The following NYAP2 variants were observed in gnomAD, a reference collection of about 807,000 sequenced individuals.
NYAP2 encodes the protein neuronal tyrosine-phosphorylated phosphoinositide-3-kinase adaptor 2.
NYAP2 carries 23 observed loss-of-function variants against 50.4 expected under a neutral mutation model. The observed-to-expected ratio is 0.46, with a 90% CI of 0.33 to 0.65. The LOEUF is 0.65. Ranked by LOEUF, NYAP2 falls within the 30% of genes least tolerant of loss-of-function variation. The pLI, the probability that NYAP2 is intolerant of heterozygous loss-of-function variation, is 0.02. For missense variants in NYAP2, 885 were observed against 861.0 expected (o/e 1.03, Z -0.35); for synonymous variants, 394 against 365.2 (o/e 1.08, Z -0.90).
intron 3 of NYAP2, among the ~76,000 whole-genome samples, chr2:225,453,878 C>T (rs994444079): frequency 4.0e-5 from 6 of 148,412 alleles, no homozygotes; most frequent in South Asian, 2.1e-4. Context: ...AATTTCACCA[C>T]GTTGGCCAGG....
At chr2:225,681,738 C>T in the NYAP2 span, among the ~76,000 whole-genome samples, 1 of 152,208 alleles carries the variant, frequency 6.6e-6, no homozygotes, top group East Asian at 1.9e-4. Context: ...TTCTACAAGA[C>T]TTAAAAGTGG....
In NYAP2 at chr2:225,600,982, C is replaced by A. The variant is rs576421899; in HGVS notation, c.1618+17947C>A. On this transcript the variant is annotated intron_variant, in intron 5 of 6. Transcript: ENST00000636099. The stretch of plus-strand genomic sequence containing the variant: ...TGAAGGATATTTGGGTTGTTTCCAC[C>A]TCTTGGCTATTTTGAGTAATACAAA... Among the ~76,000 whole-genome samples the A allele has an allele frequency of 8.5e-5, 13 of 152,248 alleles. No individual in the cohort carries two copies. The South Asian group carries it at 2.3e-3, about 27-fold the overall frequency.
chr2:225,573,377 G>A (rs949719047), intron 4 of NYAP2, among the ~76,000 whole-genome samples: 6 of 150,806 alleles, frequency 4.0e-5, no homozygotes, highest in African/African-American at 9.7e-5. Flanking sequence ...TCAGCCTCCC[G>A]AGTAGCTGGG....
At chr2:225,474,761 G>T (rs895179242) in intron 3 of NYAP2, among the ~76,000 whole-genome samples, 2 of 152,206 alleles carry the variant, frequency 1.3e-5, no homozygotes, top group South Asian at 4.1e-4. Context: ...TGCAAACAAG[G>T]ACAATTTGAC....
chr2:225,489,120 A>G (rs1182466668), intron 3 of NYAP2, among the ~76,000 whole-genome samples: 1 of 152,168 alleles, frequency 6.6e-6, no homozygotes, highest in Admixed American at 6.5e-5. Flanking sequence ...TCTGCATCGT[A>G]CTTATATTTT....
Position 225,438,933 on chromosome 2 carries a change from G to C in NYAP2, c.221+29832G>C, listed in dbSNP as rs113693691. Among the ~76,000 whole-genome samples, 766 of 152,326 alleles carry C rather than the reference G, an allele frequency of 5.0e-3. 6 individuals are homozygous for C. Among genetic ancestry groups the C allele is most frequent in the African/African-American group, 0.017 (718 of 41,582 alleles). ...AAGTACCCAAGTATAATGTGTTTAA[G>C]AGACTCAAAGAAGTGGTGTGACTAA... is the stretch of plus-strand genomic sequence containing the variant. On this transcript the variant is annotated intron_variant, in intron 3 of 6. Transcript: ENST00000636099.
At chr2:225,465,611 G>T (rs571702779) in intron 3 of NYAP2, among the ~76,000 whole-genome samples, 8 of 152,252 alleles carry the variant, frequency 5.3e-5, no homozygotes, top group Admixed American at 4.6e-4. Context: ...AGCTACTCAG[G>T]AGGCTGAGGC....
intron 2 of NYAP2, among the ~76,000 whole-genome samples, chr2:225,406,059 T>C (rs1402897241): frequency 6.6e-6 from 1 of 152,022 alleles, no homozygotes; most frequent in African/African-American, 2.4e-5. Flanking sequence ...TGGAATACTT[T>C]TATGCATTTC....
chr2:225,640,997 G>T (rs560581670), intron 6 of NYAP2, among the ~76,000 whole-genome samples: 2 of 152,284 alleles, frequency 1.3e-5, no homozygotes, highest in South Asian at 4.1e-4. Context: ...TTGGGATGAT[G>T]CAGAAAGTGC....
At chr2:225,622,559 TTTTCTTTCTTTC>T (rs778096224) in intron 5 of NYAP2, among the ~76,000 whole-genome samples, 1 of 56,842 alleles carries the variant, frequency 1.8e-5, no homozygotes, top group Admixed American at 2.4e-4. Context: ...CTTTCTTTCT[TTTTCTTTCTTTC>T]TTTCTTTCTT....
At chr2:225,526,531 T>G (rs550922748) in intron 4 of NYAP2, among the ~76,000 whole-genome samples, 15 of 152,342 alleles carry the variant, frequency 9.8e-5, no homozygotes, top group South Asian at 6.2e-4. Context: ...TTTCTGAATT[T>G]ATTTGGCTCT....
At chr2:225,476,115 CTA>C (rs1690100113) in intron 3 of NYAP2, among the ~76,000 whole-genome samples, 1 of 152,102 alleles carries the variant, frequency 6.6e-6, no homozygotes, top group African/African-American at 2.4e-5. Context: ...TAATAGAAGT[CTA>C]AAAAAATTTT....
intron 4 of NYAP2, among the ~76,000 whole-genome samples, chr2:225,562,458 T>C (rs373734627): frequency 6.6e-6 from 1 of 152,120 alleles, no homozygotes; most frequent in Non-Finnish European, 1.5e-5. Context: ...TATTTTCTGG[T>C]CTAAGTACTG....
intron 4 of NYAP2, among the ~76,000 whole-genome samples, chr2:225,547,966 A>G (rs921058087): frequency 6.6e-6 from 1 of 152,152 alleles, no homozygotes; most frequent in Admixed American, 6.5e-5. Flanking sequence ...AGCTCACTAC[A>G]TGAAATACAT....
intron 4 of NYAP2, among the ~76,000 whole-genome samples, chr2:225,523,782 G>A (rs892349902): frequency 6.6e-6 from 1 of 151,988 alleles, no homozygotes; most frequent in African/African-American, 2.4e-5. Flanking sequence ...GAACAAAACT[G>A]GGGAGATCAC....
intron 6 of NYAP2, among the ~76,000 whole-genome samples, chr2:225,645,716 T>G (rs1693624004): frequency 6.6e-6 from 1 of 152,180 alleles, no homozygotes; most frequent in Non-Finnish European, 1.5e-5. Context: ...AGCTCTGTCT[T>G]AGATCTCTTT....
rs58179452 is a variant in NYAP2 at position 225,512,802 on chromosome 2, C to CTTTCTTT, written c.222-568_222-567insTTCTTTT. On this transcript the variant is annotated intron_variant, in intron 3 of 6. Transcript: ENST00000636099. ...TTTTTCCCTCTTTCCCTCCCTCCCT[C>CTTTCTTT]TCTTTCTTTTCTTTCTTTCTCTCTC... Among the ~76,000 whole-genome samples, 256 of 109,374 alleles carry CTTTCTTT rather than the reference C, an allele frequency of 2.3e-3. 16 individuals carry two copies. The highest frequency in any genetic ancestry group is 9.6e-3 in the African/African-American group (240 of 25,092). The allele number at this position is 109,374 out of a possible 152,430, so 71.8% of individuals were successfully genotyped here.
intron 5 of NYAP2, among the ~76,000 whole-genome samples, chr2:225,616,560 G>A (rs1360861071): frequency 6.6e-6 from 1 of 152,204 alleles, no homozygotes; most frequent in Non-Finnish European, 1.5e-5. Context: ...GGTAGAGTGA[G>A]AGTTCTAGAT....
downstream of NYAP2, among the ~76,000 whole-genome samples, chr2:225,654,509 C>A (rs1207681255): frequency 1.2e-4 from 18 of 151,850 alleles, no homozygotes. Flanking sequence ...ATGGTGAAAC[C>A]CCATCTGTAC....
Sources: gnomAD v4.1 joint callset for allele counts (sites outside exome capture counted in the v4.1 genomes callset) on GRCh38, gnomAD v4.1.1 for gene constraint, MANE v1.5 for transcripts, NCBI Gene and HGNC (gene_info 2026-07-23, HGNC 2026-07-21) for gene names.